The following GALNT13 variants were observed in gnomAD, a reference collection of about 807,000 sequenced individuals.
GALNT13 encodes polypeptide N-acetylgalactosaminyltransferase 13.
A neutral mutation model predicts 64.2 loss-of-function variants in GALNT13; 28 were observed. The observed-to-expected ratio is 0.44, with a 90% CI of 0.32 to 0.60. The LOEUF (loss-of-function observed/expected upper bound fraction) is 0.60, where lower values mean the gene tolerates loss of function less well. Ranked by LOEUF, GALNT13 falls within the 20% of genes least tolerant of loss-of-function variation. The probability of loss-of-function intolerance (pLI) is 0.05; values close to 1 mark genes in which losing one functional copy is unlikely to be tolerated. For synonymous variants in GALNT13, 214 were observed against 224.6 expected, an observed-to-expected ratio of 0.95 and a Z score of 0.42; for missense variants, 577 against 669.8, an observed-to-expected ratio of 0.86 and a Z score of 1.53.
the GALNT13 span, among the ~76,000 whole-genome samples, chr2:153,225,003 T>C: frequency 0.84 from 127,574 of 152,160 alleles, 54,687 homozygotes; most frequent in African/African-American, 0.93. Context: ...ATTACAAATA[T>C]TACAAATCAG....
chr2:153,161,366 A>T, the GALNT13 span, among the ~76,000 whole-genome samples: 10 of 152,234 alleles, frequency 6.6e-5, no homozygotes. Context: ...AGTGAAAGAA[A>T]CAGACAAAAA....
At chr2:153,485,183 A>T in the GALNT13 span, among the ~76,000 whole-genome samples, 1 of 152,202 alleles carries the variant, frequency 6.6e-6, no homozygotes, top group Non-Finnish European at 1.5e-5. Flanking sequence ...ATATTTTATC[A>T]TTCATATTGA....
chr2:154,377,649 A>G (rs1004613938), intron 9 of GALNT13, among the ~76,000 whole-genome samples: 6 of 152,198 alleles, frequency 3.9e-5, no homozygotes, highest in Admixed American at 6.6e-5. Flanking sequence ...AATCTGACTT[A>G]AAAATAATAG....
chr2:153,328,617 C>T, the GALNT13 span, among the ~76,000 whole-genome samples: 6 of 152,108 alleles, frequency 3.9e-5, no homozygotes, highest in Admixed American at 2.0e-4. Context: ...AGGGGAAACC[C>T]GTCTACTCAA....
chr2:153,685,382 AT>A, the GALNT13 span, among the ~76,000 whole-genome samples: 1 of 152,034 alleles, frequency 6.6e-6, no homozygotes, highest in Non-Finnish European at 1.5e-5. Context: ...ATGATATCTC[AT>A]TGTGGTTTTG....
chr2:153,764,513 G>T, the GALNT13 span, among the ~76,000 whole-genome samples: 7 of 152,088 alleles, frequency 4.6e-5, no homozygotes, highest in Admixed American at 1.3e-4. Flanking sequence ...TACAGCCTGG[G>T]CTACAAGAGC....
At chr2:153,278,212 C>T in the GALNT13 span, among the ~76,000 whole-genome samples, 1 of 151,970 alleles carries the variant, frequency 6.6e-6, no homozygotes, top group East Asian at 1.9e-4. Context: ...GGATTACAGG[C>T]GTGAGCCACC....
the GALNT13 span, among the ~76,000 whole-genome samples, chr2:153,218,988 CTACAT>C: frequency 6.6e-6 from 1 of 152,226 alleles, no homozygotes; most frequent in Non-Finnish European, 1.5e-5. Flanking sequence ...TCACAACTAA[CTACAT>C]TACAAGTAAA....
chr2:153,195,232 CCT>C, the GALNT13 span, among the ~76,000 whole-genome samples: 1 of 152,124 alleles, frequency 6.6e-6, no homozygotes, highest in African/African-American at 2.4e-5. Flanking sequence ...TGGCTAAAAA[CCT>C]CTGTGTCCCA....
chr2:153,667,491 A>T, the GALNT13 span, among the ~76,000 whole-genome samples: 7 of 152,116 alleles, frequency 4.6e-5, no homozygotes, highest in Non-Finnish European at 1.0e-4. Context: ...TAAAGAAAAG[A>T]AATTCCAACC....
At chr2:153,078,721 A>G in the GALNT13 span, among the ~76,000 whole-genome samples, 3 of 152,226 alleles carry the variant, frequency 2.0e-5, no homozygotes, top group African/African-American at 7.2e-5. Context: ...TTCATTAGGA[A>G]GATCTCTAGT....
At chr2:154,128,632 G>A (rs1682434088) in intron 3 of GALNT13, among the ~76,000 whole-genome samples, 1 of 152,062 alleles carries the variant, frequency 6.6e-6, no homozygotes, top group African/African-American at 2.4e-5. Flanking sequence ...TAAACATAAG[G>A]GGTGATGGTA....
the GALNT13 span, among the ~76,000 whole-genome samples, chr2:153,660,987 C>T: frequency 1.3e-5 from 2 of 152,030 alleles, no homozygotes; most frequent in African/African-American, 4.8e-5. Flanking sequence ...GAGTGCATAG[C>T]TGGAGGTGAT....
chr2:153,486,083 A>G, the GALNT13 span, among the ~76,000 whole-genome samples: 2 of 152,054 alleles, frequency 1.3e-5, no homozygotes, highest in Admixed American at 1.3e-4. Flanking sequence ...GATTACAGGC[A>G]TGTGCCACCA....
intron 3 of GALNT13, among the ~76,000 whole-genome samples, chr2:154,040,607 A>T (rs1189099550): frequency 7.1e-6 from 1 of 140,314 alleles, no homozygotes; most frequent in Non-Finnish European, 1.6e-5. Context: ...AATACCTACA[A>T]AATGTTTTGA....
chr2:153,468,834 C>T, the GALNT13 span, among the ~76,000 whole-genome samples: 4 of 151,976 alleles, frequency 2.6e-5, no homozygotes, highest in Non-Finnish European at 1.5e-5. Context: ...TGTACTGGGT[C>T]GTAGTAAGAA....
the GALNT13 span, among the ~76,000 whole-genome samples, chr2:153,629,053 A>C: frequency 0.27 from 41,388 of 151,886 alleles, 5,997 homozygotes; most frequent in South Asian, 0.42. Context: ...AGAGATTCAA[A>C]TTCTTCCTGG....
chr2:153,996,882 G>C (rs1272862210), intron 3 of GALNT13, among the ~76,000 whole-genome samples: 1 of 152,068 alleles, frequency 6.6e-6, no homozygotes, highest in Non-Finnish European at 1.5e-5. Context: ...TCTTCTACGT[G>C]TGGATATCTA....
the GALNT13 span, among the ~76,000 whole-genome samples, chr2:153,397,528 T>A: frequency 1.3e-5 from 2 of 152,058 alleles, no homozygotes. Context: ...TTTATCTCAC[T>A]CACTGATTTT....
Sources: allele counts gnomAD v4.1 joint callset (sites outside exome capture counted in the v4.1 genomes callset), GRCh38; gene constraint gnomAD v4.1.1; transcripts MANE v1.5; gene names NCBI Gene and HGNC (gene_info 2026-07-23, HGNC 2026-07-21).